Variants in ECE2 observed in about 807,000 individuals in gnomAD.
ECE2 encodes the protein endothelin converting enzyme 2.
ECE2 carries 81 observed loss-of-function variants against 100.6 expected under a neutral mutation model. The ratio of observed to expected loss-of-function variants is 0.81; its 90% CI spans 0.67 to 0.97. The LOEUF (loss-of-function observed/expected upper bound fraction) is 0.97. Among genes scored for constraint, ECE2 ranks in the 50% least tolerant of loss-of-function variants. The pLI, the probability that ECE2 is intolerant of heterozygous loss-of-function variation, is 0.00. For synonymous variants in ECE2, 391 were observed against 391.5 expected (o/e 1.00, Z 0.02); for missense variants, 911 against 988.1 (o/e 0.92, Z 1.05).
intron 7 of ECE2, chr3:184,278,787 T>C: frequency 1.7e-6 from 1 of 573,510 alleles, no homozygotes; most frequent in Non-Finnish European, 3.1e-6. Context: ...AGACACCTAC[T>C]GTGTGCCAGG....
At chr3:184,288,882 C>T (rs966558446) in intron 11 of ECE2, among the ~76,000 whole-genome samples, 2 of 152,094 alleles carry the variant, frequency 1.3e-5, no homozygotes, top group Admixed American at 1.3e-4. Flanking sequence ...CTAGGCTGGG[C>T]GTGGTGGTTC....
At chr3:184,279,501 C>T (rs901110121) in intron 7 of ECE2, among the ~76,000 whole-genome samples, 6 of 151,368 alleles carry the variant, frequency 4.0e-5, no homozygotes. Context: ...ACTAAAAATA[C>T]AAAAATTAGC....
In ECE2 at chr3:184,289,300, AG is replaced by A; in HGVS notation, c.1375-135del. On this transcript the variant is annotated intron_variant, in intron 11 of 18. Transcript: ENST00000404464. This position sits in a 1 kb window ranked among gnomAD's most constrained non-coding sequence, Gnocchi z 4.1. ...ATGGTGTTTCCTTCTCATCGTCTCCAGGTGCTCAGCCGTATTTCTTTAGTCT... is the reference window on the plus strand; with the variant it reads ...ATGGTGTTTCCTTCTCATCGTCTCCAGTGCTCAGCCGTATTTCTTTAGTCT... 1 of 720,390 alleles carries A rather than the reference AG, an allele frequency of 1.4e-6. No individual in the cohort carries two copies. Among genetic ancestry groups the A allele is most frequent in the Non-Finnish European group, 2.3e-6 (1 of 427,862 alleles). 44.6% of individuals were successfully genotyped at this position (720,390 alleles called of 1,614,324 possible). A position where few individuals can be genotyped will look rare whatever the true frequency, so the allele number is the denominator to read the frequency against.
chr3:184,278,135 C>A, intron 5 of ECE2, 32 bp from the exon 6 acceptor site: 1 of 1,613,626 alleles, frequency 6.2e-7, no homozygotes. Flanking sequence ...GGAGCTCCTG[C>A]ACTAATCATT....
intron 7 of ECE2, among the ~76,000 whole-genome samples, chr3:184,280,552 C>T (rs1487159465): frequency 6.6e-6 from 1 of 152,146 alleles, no homozygotes; most frequent in Admixed American, 6.5e-5. Flanking sequence ...AGGGGCATCT[C>T]CTTAGAAACC....
chr3:184,292,120 A>C lies in ECE2; in HGVS notation c.2180A>C (p.His727Pro), dbSNP rs1479836903. 3 of 1,613,846 alleles carry C rather than the reference A, an allele frequency of 1.9e-6. No individual in the cohort carries two copies. Among genetic ancestry groups the C allele is most frequent in the Non-Finnish European group, 2.5e-6 (3 of 1,180,010 alleles). The change falls in exon 19 of 19, where the codon CAC becomes CCC. Residue 727 changes from histidine to proline, a missense_variant. By Grantham distance (77) the His-to-Pro change is moderately conservative. Coordinates refer to ENST00000404464, the MANE Select transcript of ECE2 (RefSeq NM_001100121.2). ...CACGAGGGGCTGGTGACCGACCCCC[A>C]CAGCCCTGCCCGCTTCCGCGTGCTG... is the stretch of plus-strand genomic sequence containing the variant. The part of the protein sequence containing the change: ...SSHEGLVTDP[H>P]SPARFRVLGT...
In ECE2 at chr3:184,277,907, C is replaced by G; in HGVS notation, c.479-18C>G. 6.2e-7 allele frequency: 1 copy of G among 1,610,008 alleles called. No homozygotes were observed. Among genetic ancestry groups the G allele is most frequent in the Non-Finnish European group, 8.5e-7 (1 of 1,179,614 alleles). ...AGTTAACGTAATTGCCACCTGGATC[C>G]TGTGTTCTGCCCCACAGAAAACACC... On this transcript the variant is annotated intron_variant, in intron 4 of 18. Transcript: ENST00000404464.
intron 8 of ECE2, among the ~76,000 whole-genome samples, chr3:184,284,358 C>T (rs1299375303): frequency 3.3e-5 from 5 of 152,060 alleles, no homozygotes; most frequent in Non-Finnish European, 7.3e-5. Flanking sequence ...GCCTAGCCAA[C>T]ATGGTGAAAC....
rs748769090 is a variant in ECE2, at chr3:184,287,881, C to T, written c.1308C>T (p.Asp436=). The T allele has an allele frequency of 1.2e-5, 20 of 1,614,054 alleles. No homozygotes were observed. Among genetic ancestry groups the T allele is most frequent in the East Asian group, 2.2e-5 (1 of 44,904 alleles). Residue 436 remains aspartate (D), a synonymous_variant, in exon 11 of 19, where the codon GAC becomes GAT. Coordinates refer to ENST00000404464, the MANE Select transcript of ECE2 (RefSeq NM_001100121.2). ...RWQTCISNTD[D]ALGFALGSLF... The stretch of plus-strand genomic sequence containing the variant: ...AGACCTGCATCTCCAACACGGATGA[C>T]GCCCTTGGCTTTGCTTTGGGGTCCC...
intron 7 of ECE2, among the ~76,000 whole-genome samples, chr3:184,280,922 T>C (rs996711048): frequency 2.7e-5 from 4 of 149,576 alleles, no homozygotes; most frequent in African/African-American, 9.9e-5. Flanking sequence ...GAAGTTGCAG[T>C]GAGCTGAGAT....
At position 184,284,974 on chromosome 3, in the gene ECE2, C is replaced by T. The variant is rs1209998224; in HGVS notation, c.1017C>T (p.Pro339=). The T allele has an allele frequency of 6.2e-7, 1 of 1,613,950 alleles. No homozygotes were observed. Among genetic ancestry groups the T allele is most frequent in the East Asian group, 2.2e-5 (1 of 44,884 alleles). ...TTTTTTTCTTTCAGGCTCTGGCGCC[C>T]TCCATGGACTGGCTTGAGTTCCTGT... ...MSISELQALA[P]SMDWLEFLSF... Residue 339 remains proline (P), a synonymous_variant, in exon 9 of 19, where the codon CCC becomes CCT. Transcript: ENST00000404464.
Position 184,291,224 on chromosome 3 carries a change from C to T in ECE2, c.2019C>T (p.Ala673=). Residue 673 remains alanine (A), a synonymous_variant, in exon 17 of 19, where the codon GCC becomes GCT. Transcript: ENST00000404464. The surrounding 1 kb of genome is among the most constrained non-coding windows in gnomAD (Gnocchi z 4.1). ...NIADNGGLKA[A]YNAYKAWLRK... ...CTGACAACGGGGGGCTGAAGGCTGC[C>T]TACAATGTGAGTGGCCTGACCAGCC... 6.2e-7 allele frequency: 1 copy of T among 1,611,362 alleles called. No individual in the cohort carries two copies. Among genetic ancestry groups the T allele is most frequent in the Non-Finnish European group, 8.5e-7 (1 of 1,178,634 alleles).
rs773083733 is a variant in ECE2, at chr3:184,282,118, A to C, written c.817-1667A>C. On this transcript the variant is annotated intron_variant, in intron 7 of 18. Transcript: ENST00000404464. ...CATCTCAAACAAACAACAACAAAAA[A>C]ACTAAGAGTAAAGCAGGGTTCAGGA... Among the ~76,000 whole-genome samples the C allele has an allele frequency of 8.6e-4, 131 of 152,160 alleles. 1 individual carries two copies. The highest frequency in any genetic ancestry group is 1.5e-4 in the Non-Finnish European group (10 of 68,038).
At position 184,289,290 on chromosome 3, in the gene ECE2, C is replaced by T; in HGVS notation, c.1375-147C>T. On this transcript the variant is annotated intron_variant, in intron 11 of 18. Transcript: ENST00000404464. The surrounding 1 kb of genome is among the most constrained non-coding windows in gnomAD (Gnocchi z 4.1). The stretch of plus-strand genomic sequence containing the variant: ...ACCTTTACAAATGGTGTTTCCTTCT[C>T]ATCGTCTCCAGGTGCTCAGCCGTAT... 1.5e-6 allele frequency: 1 copy of T among 669,664 alleles called. No individual in the cohort carries two copies. Among genetic ancestry groups the T allele is most frequent in the Non-Finnish European group, 2.6e-6 (1 of 390,574 alleles). The allele number at this position is 669,664 out of a possible 1,614,324, so 41.5% of individuals were successfully genotyped here.
At chr3:184,290,226 T>C (rs754981000) in intron 13 of ECE2, 29 bp from the exon 14 acceptor site, 1 of 1,578,228 alleles carries the variant, frequency 6.3e-7, no homozygotes, top group South Asian at 1.1e-5. Flanking sequence ...ATTCTCTTGC[T>C]CTCTTTCTAC....
Position 184,292,108 on chromosome 3 carries a change from T to TGACC in ECE2, c.2173_2176dup (p.Pro726ArgfsTer19), listed in dbSNP as rs1468516487. On this transcript the variant is annotated frameshift_variant, in exon 19 of 19. Transcript: ENST00000404464. LOFTEE classifies it high-confidence loss of function. ...CCAGAGAGCTCTCACGAGGGGCTGG[T>TGACC]GACCGACCCCCACAGCCCTGCCCGC... The TGACC allele has an allele frequency of 2.5e-6, 4 of 1,613,828 alleles. No homozygotes were observed. The highest frequency in any genetic ancestry group is 3.4e-6 in the Non-Finnish European group (4 of 1,179,994).
intron 14 of ECE2, 50 bp from the exon 15 acceptor site, chr3:184,290,507 G>A (rs1250254501): frequency 6.3e-7 from 1 of 1,587,426 alleles, no homozygotes; most frequent in African/African-American, 1.3e-5. Flanking sequence ...TGGGAGGGGA[G>A]CAGTGTCAGG....
chr3:184,276,862 A>C, intron 2 of ECE2, 30 bp from the exon 3 acceptor site: 1 of 1,611,188 alleles, frequency 6.2e-7, no homozygotes, highest in South Asian at 1.1e-5. Flanking sequence ...CCTGCATCTC[A>C]GTCACTCTCT....
chr3:184,283,731 C>T, intron 7 of ECE2, 54 bp from the exon 8 acceptor site: 1 of 1,577,374 alleles, frequency 6.3e-7, no homozygotes, highest in East Asian at 2.3e-5. Flanking sequence ...GAACAGATCT[C>T]AGCCTTGGGC....
Sources: gnomAD v4.1 joint callset for allele counts (sites outside exome capture counted in the v4.1 genomes callset) on GRCh38, gnomAD v4.1.1 for gene constraint, Gnocchi (gnomAD v3.1) non-coding constraint, MANE v1.5 for transcripts, NCBI Gene and HGNC (gene_info 2026-07-23, HGNC 2026-07-21) for gene names.